ARHGEF3: variants seen among roughly 807,000 people sequenced by gnomAD.
ARHGEF3 encodes Rho guanine nucleotide exchange factor 3, also known as 59.8 kDA protein.
ARHGEF3 carries 28 observed loss-of-function variants against 63.2 expected under a neutral mutation model. That is an observed-to-expected ratio of 0.44 (90% CI 0.33 to 0.61). ARHGEF3 has a LOEUF of 0.61. Among genes scored for constraint, ARHGEF3 ranks in the 20% least tolerant of loss-of-function variants. The pLI is 0.03. For synonymous variants in ARHGEF3, 266 were observed against 254.2 expected, an observed-to-expected ratio of 1.05 and a Z score of -0.44; for missense variants, 533 against 659.3, an observed-to-expected ratio of 0.81 and a Z score of 2.10.
chr3:56,832,465 A>G lies in ARHGEF3; in HGVS notation c.192+49827T>C, dbSNP rs566313921. Among the ~76,000 whole-genome samples, 5 of 152,262 alleles carry G rather than the reference A, an allele frequency of 3.3e-5. No individual in the cohort carries two copies. The East Asian group carries it at 9.6e-4, about 29-fold the overall frequency. Reference sequence around the variant, plus strand: ...ATAAAAGAAATAAAACATTACCAGCATAGCTAACATCTCCTCTTCCCACCA... The same window carrying G: ...ATAAAAGAAATAAAACATTACCAGCGTAGCTAACATCTCCTCTTCCCACCA... On this transcript the variant is annotated intron_variant, in intron 4 of 12. Transcript: ENST00000338458.
At chr3:56,733,041 T>C (rs1252681374) in intron 8 of ARHGEF3, among the ~76,000 whole-genome samples, 1 of 150,880 alleles carries the variant, frequency 6.6e-6, no homozygotes, top group African/African-American at 2.4e-5. Flanking sequence ...CCCAGCACTT[T>C]GGGAGGCTGA....
intron 2 of ARHGEF3, among the ~76,000 whole-genome samples, chr3:56,968,987 G>A (rs1300893556): frequency 1.3e-5 from 2 of 152,174 alleles, no homozygotes. Context: ...TACATAAATT[G>A]AGAACCCCTG....
At chr3:57,065,541 C>T (rs993127690) in intron 1 of ARHGEF3, among the ~76,000 whole-genome samples, 2 of 152,140 alleles carry the variant, frequency 1.3e-5, no homozygotes, top group Admixed American at 1.3e-4. Flanking sequence ...GTGGTGATAT[C>T]TGCACTACCG....
intron 2 of ARHGEF3, among the ~76,000 whole-genome samples, chr3:56,772,742 T>C (rs1057129168): frequency 6.6e-6 from 1 of 152,200 alleles, no homozygotes; most frequent in Non-Finnish European, 1.5e-5. Context: ...AATTTGAAGA[T>C]TAATGATTGC....
At chr3:56,808,347 C>T (rs981782067) in intron 4 of ARHGEF3, among the ~76,000 whole-genome samples, 5 of 152,080 alleles carry the variant, frequency 3.3e-5, no homozygotes, top group South Asian at 2.1e-4. Context: ...TTTGGGATGA[C>T]GAAGCAGGAG....
At position 57,067,169 on chromosome 3, in the gene ARHGEF3, C is replaced by T. The variant is rs1168014412; in HGVS notation, c.-28+12057G>A. Among the ~76,000 whole-genome samples the T allele has an allele frequency of 3.3e-5, 5 of 152,180 alleles. No homozygotes were observed. In the South Asian group the frequency reaches 8.3e-4, roughly 25 times the overall value. Reference sequence around the variant, plus strand: ...GCAACCCAGAAAGAATAACATTTGTCGGCCAGGCGCGGTGGCTCACGCCTG... The same window carrying T: ...GCAACCCAGAAAGAATAACATTTGTTGGCCAGGCGCGGTGGCTCACGCCTG... On this transcript the variant is annotated intron_variant, in intron 1 of 12. Coordinates refer to the ARHGEF3 transcript ENST00000338458.
chr3:56,779,372 T>C (rs545650231), intron 1 of ARHGEF3, among the ~76,000 whole-genome samples: 74 of 152,292 alleles, frequency 4.9e-4, no homozygotes, highest in African/African-American at 1.8e-3. Flanking sequence ...CACAGGTTGG[T>C]AGTTGTCAAA....
chr3:56,949,120 G>C (rs1176061051), intron 3 of ARHGEF3, among the ~76,000 whole-genome samples: 1 of 151,864 alleles, frequency 6.6e-6, no homozygotes, highest in Non-Finnish European at 1.5e-5. Context: ...GTATTGATGG[G>C]ATGTATCTCA....
Position 56,957,741 on chromosome 3 carries a change from C to G in ARHGEF3, c.129+1082G>C, listed in dbSNP as rs567537603. ...ACCCAGTGGGTAAAGTGTGTGGGCC[C>G]GGAGCAGTGTGTGTAGGAGTGTGGT... On this transcript the variant is annotated intron_variant, in intron 3 of 12. Transcript: ENST00000338458. Among the ~76,000 whole-genome samples, 10 of 152,126 alleles carry G rather than the reference C, an allele frequency of 6.6e-5. No homozygotes were observed. In the South Asian group the frequency reaches 2.1e-3, roughly 32 times the overall value.
At chr3:56,907,514 T>G (rs560579127) in intron 3 of ARHGEF3, among the ~76,000 whole-genome samples, 2 of 152,338 alleles carry the variant, frequency 1.3e-5, no homozygotes, top group South Asian at 4.1e-4. Flanking sequence ...ATCCCATTAC[T>G]GGGTATATAC....
At chr3:56,808,013 A>G (rs2037926646) in intron 4 of ARHGEF3, among the ~76,000 whole-genome samples, 2 of 151,762 alleles carry the variant, frequency 1.3e-5, no homozygotes, top group African/African-American at 4.8e-5. Flanking sequence ...AGTCCTAGAT[A>G]CTCGGGAGGC....
At chr3:56,816,774 C>T (rs2038288599) in intron 4 of ARHGEF3, among the ~76,000 whole-genome samples, 1 of 152,212 alleles carries the variant, frequency 6.6e-6, no homozygotes, top group Non-Finnish European at 1.5e-5. Context: ...AGTTCAAATG[C>T]AAGCACCTTG....
chr3:56,941,442 A>G (rs532252337), intron 3 of ARHGEF3, among the ~76,000 whole-genome samples: 2 of 152,296 alleles, frequency 1.3e-5, no homozygotes, highest in African/African-American at 4.8e-5. Context: ...TCCTGATCTC[A>G]AGTGATCCAC....
At chr3:56,795,060 T>C (rs2037280677) in intron 1 of ARHGEF3, among the ~76,000 whole-genome samples, 2 of 151,480 alleles carry the variant, frequency 1.3e-5, no homozygotes, top group Admixed American at 1.3e-4. Flanking sequence ...AGATGGGGTC[T>C]CGCTGTGTTG....
At chr3:56,836,184 G>C (rs933611365) in intron 4 of ARHGEF3, among the ~76,000 whole-genome samples, 1 of 152,116 alleles carries the variant, frequency 6.6e-6, no homozygotes, top group Admixed American at 6.5e-5. Context: ...CTGAAAAACA[G>C]ATGTGTATTT....
At chr3:57,011,553 C>G (rs1702701561) in intron 2 of ARHGEF3, among the ~76,000 whole-genome samples, 1 of 152,144 alleles carries the variant, frequency 6.6e-6, no homozygotes. Context: ...ATGCACAGGA[C>G]AGCCCCCCAC....
chr3:56,806,918 T>G (rs1242167695), upstream of ARHGEF3, among the ~76,000 whole-genome samples: 2 of 151,772 alleles, frequency 1.3e-5, no homozygotes, highest in Non-Finnish European at 1.5e-5. Flanking sequence ...ACAGTCTTGC[T>G]CTGTTGCCTA....
At chr3:57,057,628 C>T (rs1475561475) in intron 1 of ARHGEF3, among the ~76,000 whole-genome samples, 2 of 152,100 alleles carry the variant, frequency 1.3e-5, no homozygotes, top group Non-Finnish European at 2.9e-5. Flanking sequence ...CACCCCCACA[C>T]AAGCTTTTTT....
chr3:57,047,407 C>CAAT (rs1387704174), intron 1 of ARHGEF3, among the ~76,000 whole-genome samples: 2 of 151,696 alleles, frequency 1.3e-5, no homozygotes, highest in African/African-American at 2.4e-5. Context: ...AAAACAACAA[C>CAAT]AACAACAAAG....
Sources: allele counts gnomAD v4.1 joint callset (sites outside exome capture counted in the v4.1 genomes callset), GRCh38; gene constraint gnomAD v4.1.1; transcripts MANE v1.5; gene names NCBI Gene and HGNC (gene_info 2026-07-23, HGNC 2026-07-21).